The following DUSP22 variants were observed in gnomAD, a reference collection of about 807,000 sequenced individuals.
DUSP22 encodes dual specificity protein phosphatase 22.
In DUSP22, 24 loss-of-function variants were observed where a neutral mutation model predicts 24.5. That is an observed-to-expected ratio of 0.98 (90% CI 0.71 to 1.38). DUSP22 has a LOEUF of 1.38. Among genes scored for constraint, DUSP22 ranks in the 40% most tolerant of loss-of-function variants. DUSP22 has a pLI of 0.00. For synonymous variants in DUSP22, 160 were observed against 106.4 expected, an observed-to-expected ratio of 1.50 and a Z score of -3.10; for missense variants, 330 against 269.2, an observed-to-expected ratio of 1.23 and a Z score of -1.58.
At position 349,598 on chromosome 6, in the gene DUSP22, G is replaced by A; in HGVS notation, c.*647G>A. The A allele has an allele frequency of 3.0e-6, 3 of 987,852 alleles. No individual in the cohort carries two copies. The highest frequency in any genetic ancestry group is 3.6e-6 in the Non-Finnish European group (3 of 831,830). The allele number at this position is 987,852 out of a possible 1,614,324, so 61.2% of individuals were successfully genotyped here. On this transcript the variant is annotated 3_prime_UTR_variant, in exon 7 of 7. Transcript: ENST00000419235. The stretch of plus-strand genomic sequence containing the variant: ...GGGCAACAGGGGCCAGACTCCTCTA[G>A]AGGGAGGGTGGCTCTGGGGCCCTGG...
intron 3 of DUSP22, among the ~76,000 whole-genome samples, chr6:318,393 A>G (rs1335417375): frequency 6.6e-6 from 1 of 152,306 alleles, no homozygotes; most frequent in African/African-American, 2.4e-5. Context: ...CATTCAGGGC[A>G]CAGGGACTTG....
chr6:301,412 C>T (rs1198395461), intron 1 of DUSP22, among the ~76,000 whole-genome samples: 1 of 152,296 alleles, frequency 6.6e-6, no homozygotes, highest in Non-Finnish European at 1.5e-5. Context: ...GGGGGAAATC[C>T]TTCAGAGATC....
At chr6:318,206 C>G (rs1157263616) in intron 3 of DUSP22, among the ~76,000 whole-genome samples, 1 of 152,308 alleles carries the variant, frequency 6.6e-6, no homozygotes, top group Non-Finnish European at 1.5e-5. Context: ...GCTACCTTTG[C>G]TTGTCATTAA....
At chr6:339,493 T>G (rs1487017039) in intron 4 of DUSP22, among the ~76,000 whole-genome samples, 3 of 152,312 alleles carry the variant, frequency 2.0e-5, no homozygotes. Context: ...CTTGCTTTAA[T>G]ATATATTACA....
At chr6:297,956 C>T (rs979532226) in intron 1 of DUSP22, among the ~76,000 whole-genome samples, 4 of 152,302 alleles carry the variant, frequency 2.6e-5, no homozygotes, top group Non-Finnish European at 4.4e-5. Context: ...CTGTAGTGAG[C>T]TGTTAATAGG....
intron 4 of DUSP22, among the ~76,000 whole-genome samples, chr6:341,461 C>T (rs1031653405): frequency 2.0e-5 from 3 of 152,308 alleles, no homozygotes; most frequent in African/African-American, 4.8e-5. Flanking sequence ...TCATCAGCTT[C>T]CCTGGAAATA....
chr6:330,029 A>G (rs1228336686), intron 3 of DUSP22, among the ~76,000 whole-genome samples: 1 of 152,284 alleles, frequency 6.6e-6, no homozygotes, highest in African/African-American at 2.4e-5. Context: ...CAGTGTGAAT[A>G]CAGAGTGTGT....
chr6:296,937 T>C (rs1211470601), intron 1 of DUSP22, among the ~76,000 whole-genome samples: 1 of 152,298 alleles, frequency 6.6e-6, no homozygotes, highest in Admixed American at 6.5e-5. Context: ...GTGTGTCCTC[T>C]GAAAGCACCC....
chr6:299,303 A>G (rs1260845071), intron 1 of DUSP22, among the ~76,000 whole-genome samples: 2 of 152,420 alleles, frequency 1.3e-5, no homozygotes, highest in South Asian at 2.1e-4. Context: ...GGTCTCCTCT[A>G]TAAATCGTCT....
At chr6:311,683 A>AG (rs1396640608) in intron 2 of DUSP22, among the ~76,000 whole-genome samples, 197 bp from the exon 3 acceptor site, 1 of 152,240 alleles carries the variant, frequency 6.6e-6, no homozygotes, top group Non-Finnish European at 1.5e-5. Context: ...CCGTCTCAAA[A>AG]AAAAACAAAA....
chr6:302,484 C>T (rs1288098400), intron 1 of DUSP22, among the ~76,000 whole-genome samples: 1 of 152,310 alleles, frequency 6.6e-6, no homozygotes, highest in Non-Finnish European at 1.5e-5. Flanking sequence ...GGCTGCAGGT[C>T]CTGAGTGTCA....
At chr6:295,707 G>T (rs1757293214) in intron 1 of DUSP22, among the ~76,000 whole-genome samples, 1 of 152,100 alleles carries the variant, frequency 6.6e-6, no homozygotes, top group Non-Finnish European at 1.5e-5. Flanking sequence ...GGCTGAGGTG[G>T]GAGAATCACC....
At chr6:315,180 A>G (rs1210869585) in intron 3 of DUSP22, among the ~76,000 whole-genome samples, 2 of 152,306 alleles carry the variant, frequency 1.3e-5, no homozygotes, top group East Asian at 1.9e-4. Context: ...TAGACCTTCC[A>G]GAATGAAGAT....
intron 1 of DUSP22, among the ~76,000 whole-genome samples, chr6:295,294 C>G (rs551517341): frequency 2.0e-5 from 3 of 152,398 alleles, no homozygotes; most frequent in Non-Finnish European, 4.4e-5. Flanking sequence ...ACAGTGCACG[C>G]TGCATTCTGA....
At chr6:328,653 C>G (rs1270860310) in intron 3 of DUSP22, among the ~76,000 whole-genome samples, 1 of 152,304 alleles carries the variant, frequency 6.6e-6, no homozygotes, top group Non-Finnish European at 1.5e-5. Flanking sequence ...CTAAATTTAG[C>G]TGATGCAGGA....
chr6:293,073 G>C (rs147729754), intron 1 of DUSP22, among the ~76,000 whole-genome samples: 2,700 of 151,660 alleles, frequency 0.018, no homozygotes, highest in Non-Finnish European at 0.024. Context: ...TAAGTCCTGA[G>C]CTGTTTCTAG....
intron 3 of DUSP22, among the ~76,000 whole-genome samples, chr6:316,239 G>A (rs1758330330): frequency 6.6e-6 from 1 of 152,428 alleles, no homozygotes; most frequent in Non-Finnish European, 1.5e-5. Flanking sequence ...TCACTACAGA[G>A]GCAAGGGTCT....
At chr6:295,820 CCAA>C (rs1757302235) in intron 1 of DUSP22, among the ~76,000 whole-genome samples, 1 of 149,908 alleles carries the variant, frequency 6.7e-6, no homozygotes, top group Admixed American at 6.7e-5. Flanking sequence ...AAAAAAAAAC[CCAA>C]CAACAACACA....
intron 3 of DUSP22, among the ~76,000 whole-genome samples, chr6:319,443 A>G (rs1284973652): frequency 1.3e-5 from 2 of 152,308 alleles, no homozygotes; most frequent in African/African-American, 4.8e-5. Flanking sequence ...CTTAATCTTC[A>G]ATCTTCAAAG....
Sources: allele counts gnomAD v4.1 joint callset (sites outside exome capture counted in the v4.1 genomes callset), GRCh38; gene constraint gnomAD v4.1.1; transcripts MANE v1.5; gene names NCBI Gene and HGNC (gene_info 2026-07-23, HGNC 2026-07-21).